Variants in MIS18BP1 observed in about 807,000 individuals in gnomAD.
MIS18BP1 encodes the protein mis18-binding protein 1.
A neutral mutation model predicts 116.1 loss-of-function variants in MIS18BP1; 72 were observed. The observed-to-expected ratio is 0.62, with a 90% CI of 0.51 to 0.75. MIS18BP1 has a LOEUF of 0.75. Among genes scored for constraint, MIS18BP1 ranks in the 30% least tolerant of loss-of-function variants. The pLI, the probability that MIS18BP1 is intolerant of heterozygous loss-of-function variation, is 0.00. For synonymous variants in MIS18BP1, 386 were observed against 427.0 expected, an observed-to-expected ratio of 0.90 and a Z score of 1.18; for missense variants, 1,363 against 1,303.2, an observed-to-expected ratio of 1.05 and a Z score of -0.71.
intron 13 of MIS18BP1, among the ~76,000 whole-genome samples, chr14:45,216,323 C>T (rs1426924650): frequency 6.6e-6 from 1 of 152,108 alleles, no homozygotes; most frequent in African/African-American, 2.4e-5. Context: ...ATCAGTATCA[C>T]CATTGCTTCT....
intron 11 of MIS18BP1, among the ~76,000 whole-genome samples, chr14:45,222,533 A>G (rs533363793): frequency 5.3e-4 from 80 of 152,258 alleles, no homozygotes; most frequent in African/African-American, 1.8e-3. Flanking sequence ...CGTTCAGTCT[A>G]CTATCATTGT....
chr14:45,252,065 G>T (rs1891889274), intron 1 of MIS18BP1, among the ~76,000 whole-genome samples: 1 of 152,138 alleles, frequency 6.6e-6, no homozygotes, highest in South Asian at 2.1e-4. Flanking sequence ...TTTGAAAAAA[G>T]AGAAATTAAG....
chr14:45,224,120 CTTCAGT>C lies in MIS18BP1; in HGVS notation c.2461_2466del (p.Thr821_Glu822del). ...TTGATATAAAATTCATTTTCACTTTCTTCAGTTTCAGGTTCCAAAATCACTGGAATA... is the reference window on the plus strand; with the variant it reads ...TTGATATAAAATTCATTTTCACTTTCTTCAGGTTCCAAAATCACTGGAATA... On this transcript the variant is annotated inframe_deletion, in exon 11 of 17. Coordinates refer to ENST00000310806, the MANE Select transcript of MIS18BP1 (RefSeq NM_018353.5). 2 of 1,612,628 alleles carry C rather than the reference CTTCAGT, an allele frequency of 1.2e-6. No homozygotes were observed. The highest frequency in any genetic ancestry group is 1.7e-6 in the Non-Finnish European group (2 of 1,179,724).
At chr14:45,212,387 C>T (rs1162627404) in intron 13 of MIS18BP1, among the ~76,000 whole-genome samples, 1 of 152,144 alleles carries the variant, frequency 6.6e-6, no homozygotes, top group Non-Finnish European at 1.5e-5. Flanking sequence ...TGACTGGTGA[C>T]TTGCAGAAGT....
rs1216528185 is a variant in MIS18BP1 at position 45,204,221 on chromosome 14, A to T, written c.3296-9T>A. On this transcript the variant is annotated splice_polypyrimidine_tract_variant and intron_variant, in intron 16 of 16. Transcript: ENST00000310806. ...AGAGTTTTCTCCTAAGTCTGTAAAG[A>T]GAAGTTTAATAAAAAGATAATAAAT... is the stretch of plus-strand genomic sequence containing the variant. 1 of 1,584,718 alleles carries T rather than the reference A, an allele frequency of 6.3e-7. No homozygotes were observed.
intron 14 of MIS18BP1, 123 bp downstream of exon 14, chr14:45,210,257 C>T (rs1373253020): frequency 3.0e-6 from 3 of 1,008,000 alleles, no homozygotes; most frequent in Non-Finnish European, 4.2e-6. Flanking sequence ...AGAAACTACA[C>T]ATTCTTGATT....
chr14:45,226,420 AATT>A (rs1193560628), intron 10 of MIS18BP1, among the ~76,000 whole-genome samples: 1 of 152,158 alleles, frequency 6.6e-6, no homozygotes, highest in African/African-American at 2.4e-5. Flanking sequence ...CTTAAAACTA[AATT>A]ATTGTACTAA....
intron 1 of MIS18BP1, among the ~76,000 whole-genome samples, chr14:45,249,840 C>G (rs997045498): frequency 6.6e-6 from 1 of 152,180 alleles, no homozygotes; most frequent in Non-Finnish European, 1.5e-5. Context: ...CACCACTGCA[C>G]TCCAGCCTAG....
At position 45,224,663 on chromosome 14, in the gene MIS18BP1, C is replaced by A; in HGVS notation, c.1924G>T (p.Ala642Ser). ...FFSDEERKYM[A>S]INQKKAYILV... ...ATATAAGCTTTCTTCTGATTGATGG[C>A]CATGTATTTTCTTTCTTCATCTGAG... Residue 642 changes from alanine (A) to serine (S), a missense_variant, in exon 11 of 17, where the codon GCC (alanine) becomes TCC (serine). Ala to Ser is a moderately conservative substitution (Grantham distance 99). Coordinates refer to ENST00000310806, the MANE Select transcript of MIS18BP1 (RefSeq NM_018353.5). 6.2e-7 allele frequency: 1 copy of A among 1,612,276 alleles called. No individual in the cohort carries two copies. Among genetic ancestry groups the A allele is most frequent in the Non-Finnish European group, 8.5e-7 (1 of 1,179,490 alleles).
chr14:45,231,167 G>C lies in MIS18BP1; in HGVS notation c.1568C>G (p.Thr523Ser), dbSNP rs1891263849. The C allele has an allele frequency of 3.1e-6, 5 of 1,611,244 alleles. No homozygotes were observed. Among genetic ancestry groups the C allele is most frequent in the Non-Finnish European group, 4.2e-6 (5 of 1,179,336 alleles). ...CAAATTATCACAATCAAAATCGTAA[G>C]TGGTGGTGGCTCTTTGAGCAGTATC... ...QTDTAQRATT[T>S]YDFDCDNLEL... Residue 523 changes from threonine (T) to serine (S), a missense_variant, in exon 8 of 17, where the codon ACT (threonine) becomes AGT (serine). Physicochemically the swap from Thr to Ser is moderately conservative, Grantham distance 58 (BLOSUM62 1). Coordinates refer to ENST00000310806, the MANE Select transcript of MIS18BP1 (RefSeq NM_018353.5).
chr14:45,230,724 A>T (rs1891250025), intron 8 of MIS18BP1, among the ~76,000 whole-genome samples: 2 of 152,104 alleles, frequency 1.3e-5, no homozygotes, highest in Non-Finnish European at 2.9e-5. Flanking sequence ...AGCTCAAGCG[A>T]TCCTCCCACC....
At chr14:45,240,920 A>G (rs1891558239) in intron 4 of MIS18BP1, among the ~76,000 whole-genome samples, 1 of 152,008 alleles carries the variant, frequency 6.6e-6, no homozygotes, top group African/African-American at 2.4e-5. Flanking sequence ...ATAAATAAAT[A>G]GATAGATAAA....
intron 1 of MIS18BP1, among the ~76,000 whole-genome samples, chr14:45,252,279 A>T (rs2139267532): frequency 6.6e-6 from 1 of 152,358 alleles, no homozygotes; most frequent in African/African-American, 2.4e-5. Flanking sequence ...ATCCCGCCAC[A>T]TCCATACAAT....
At chr14:45,250,731 G>A (rs1891846224) in intron 1 of MIS18BP1, among the ~76,000 whole-genome samples, 1 of 152,144 alleles carries the variant, frequency 6.6e-6, no homozygotes, top group South Asian at 2.1e-4. Flanking sequence ...TGGATGAAAG[G>A]GCTGGCCAGG....
rs563935491 is a variant in MIS18BP1, at chr14:45,223,718, C to T, written c.2669+200G>A. ...ACTTTCCTCATACTTAGGCTTTCCTCGTACTTTCCTCGTATTAGAGATGAC... is the reference window on the plus strand; with the variant it reads ...ACTTTCCTCATACTTAGGCTTTCCTTGTACTTTCCTCGTATTAGAGATGAC... On this transcript the variant is annotated intron_variant, in intron 11 of 16. Transcript: ENST00000310806. Among the ~76,000 whole-genome samples, 18 of 152,306 alleles carry T rather than the reference C, an allele frequency of 1.2e-4. No individual in the cohort carries two copies. In the South Asian group the frequency reaches 3.7e-3, roughly 32 times the overall value.
intron 11 of MIS18BP1, among the ~76,000 whole-genome samples, chr14:45,222,450 T>C (rs1295263184): frequency 6.6e-6 from 1 of 152,206 alleles, no homozygotes; most frequent in Non-Finnish European, 1.5e-5. Context: ...AGAATCAATA[T>C]TTTACTGCTT....
Position 45,242,030 on chromosome 14 carries a change from C to T in MIS18BP1, c.1143+4G>A. ...ATAAATATCTGTCTTAAAAGTTTTC[C>T]CACCTGATTTTTTTTAAGTCCATTT... is the stretch of plus-strand genomic sequence containing the variant. On this transcript the variant is annotated splice_donor_region_variant and intron_variant, in intron 4 of 16. Coordinates refer to ENST00000310806, the MANE Select transcript of MIS18BP1 (RefSeq NM_018353.5). 1 of 1,590,812 alleles carries T rather than the reference C, an allele frequency of 6.3e-7. No individual in the cohort carries two copies. The highest frequency in any genetic ancestry group is 8.5e-7 in the Non-Finnish European group (1 of 1,169,954).
chr14:45,203,953 G>A lies in MIS18BP1; in HGVS notation c.*156C>T. On this transcript the variant is annotated 3_prime_UTR_variant, in exon 17 of 17. Coordinates refer to ENST00000310806, the MANE Select transcript of MIS18BP1 (RefSeq NM_018353.5). ...ATTTTTAGTAAGCTGCAGCAATGAG[G>A]ATATTTTACTTTGAACACAAACATA... 2 of 1,048,812 alleles carry A rather than the reference G, an allele frequency of 1.9e-6. No homozygotes were observed. The highest frequency in any genetic ancestry group is 4.1e-5 in the South Asian group (2 of 48,700). The allele number at this position is 1,048,812 out of a possible 1,614,324, so 65.0% of individuals were successfully genotyped here. A position where few individuals can be genotyped will look rare whatever the true frequency, so the allele number is the denominator to read the frequency against.
intron 1 of MIS18BP1, among the ~76,000 whole-genome samples, chr14:45,249,315 A>C (rs535676234): frequency 6.6e-6 from 1 of 151,966 alleles, no homozygotes; most frequent in East Asian, 2.0e-4. Flanking sequence ...TGGTCTCCTG[A>C]CCTCAGGTGA....
Sources: gnomAD v4.1 joint callset for allele counts (sites outside exome capture counted in the v4.1 genomes callset) on GRCh38, gnomAD v4.1.1 for gene constraint, MANE v1.5 for transcripts, NCBI Gene and HGNC (gene_info 2026-07-23, HGNC 2026-07-21) for gene names.